ITGA4: variants seen among roughly 807,000 people sequenced by gnomAD.
ITGA4 encodes integrin subunit alpha 4.
A neutral mutation model predicts 133.6 loss-of-function variants in ITGA4; 63 were observed. The observed-to-expected ratio is 0.47, with a 90% CI of 0.38 to 0.58. The LOEUF is 0.58. Among genes scored for constraint, ITGA4 ranks in the 20% least tolerant of loss-of-function variants. The probability of loss-of-function intolerance (pLI) is 0.00; values close to 1 mark genes in which losing one functional copy is unlikely to be tolerated. For missense variants in ITGA4, 1,076 were observed against 1,252.7 expected, an observed-to-expected ratio of 0.86 and a Z score of 2.13; for synonymous variants, 483 against 438.0, an observed-to-expected ratio of 1.10 and a Z score of -1.28.
At chr2:181,464,967 A>G (rs1264495302) in intron 2 of ITGA4, among the ~76,000 whole-genome samples, 1 of 152,178 alleles carries the variant, frequency 6.6e-6, no homozygotes. Flanking sequence ...TTTTTTATAT[A>G]AACTATGTAA....
chr2:181,501,234 A>G (rs1324571650), intron 15 of ITGA4, among the ~76,000 whole-genome samples: 2 of 152,324 alleles, frequency 1.3e-5, no homozygotes, highest in East Asian at 1.9e-4. Context: ...CAGAGGACCC[A>G]TACTTTGAGA....
At position 181,534,832 on chromosome 2, in the gene ITGA4, T is replaced by G. The variant is rs202038203; in HGVS notation, c.2900T>G (p.Leu967Arg). 2.3e-5 allele frequency: 37 copies of G among 1,596,060 alleles called. No homozygotes were observed. Among genetic ancestry groups the G allele is most frequent in the Non-Finnish European group, 3.1e-5 (37 of 1,174,750 alleles). Reference protein sequence around the residue: ...ENVAHVLLEGLHHQRPKRYFT... With the variant: ...ENVAHVLLEGRHHQRPKRYFT... ...CTCACGTAGGTTCTACTGGAAGGAC[T>G]ACATCATCAAAGACCCAAACGTTAT... Residue 967 changes from leucine to arginine, a missense_variant, in exon 27 of 28, where the codon CTA (leucine) becomes CGA (arginine). Physicochemically the swap from Leu to Arg is moderately radical, Grantham distance 102. Around this residue, in one of 4 missense-constraint regions of ITGA4, gnomAD observed 193 missense variants for 172.3 expected, o/e 1.12. Transcript: ENST00000397033.
chr2:181,502,863 A>G (rs1686307093), intron 15 of ITGA4, among the ~76,000 whole-genome samples: 1 of 152,062 alleles, frequency 6.6e-6, no homozygotes, highest in African/African-American at 2.4e-5. Flanking sequence ...AAGAGTTACA[A>G]TTAACCAGGG....
intron 15 of ITGA4, 57 bp from the exon 16 acceptor site, chr2:181,509,599 ATT>A: frequency 7.3e-7 from 1 of 1,365,116 alleles, no homozygotes. Context: ...AAGGAGTTTT[ATT>A]TTTTTTTAAT....
At position 181,523,704 on chromosome 2, in the gene ITGA4, G is replaced by A. The variant is rs1250645537; in HGVS notation, c.2169+172G>A. 1.3e-5 allele frequency among the ~76,000 whole-genome samples: 2 copies of A among 152,032 alleles called. No individual in the cohort carries two copies. Among genetic ancestry groups the A allele is most frequent in the Non-Finnish European group, 2.9e-5 (2 of 68,012 alleles). ...CTTTGAGCTTTGTGTTTATATTCTT[G>A]GCAATGTTTGCTGTTTTAAAGGGGG... On this transcript the variant is annotated intron_variant, in intron 19 of 27. Coordinates refer to ENST00000397033, the MANE Select transcript of ITGA4 (RefSeq NM_000885.6). The surrounding 1 kb of genome is among the most constrained non-coding windows in gnomAD (Gnocchi z 4.2).
Position 181,457,607 on chromosome 2 carries a change from C to A in ITGA4, c.-48C>A, listed in dbSNP as rs201912625. 134 of 1,559,378 alleles carry A rather than the reference C, an allele frequency of 8.6e-5. 1 individual carries two copies. The African/African-American group carries it at 1.6e-3, about 19-fold the overall frequency. ...TGGCCAACCGTCGCATCCCGTGCAA[C>A]TTTGGGGTAGTGGCCGTTTAGTGTT... On this transcript the variant is annotated 5_prime_UTR_variant, in exon 1 of 28. Transcript: ENST00000397033.
rs539020697 is a variant in ITGA4, at chr2:181,485,210, A to G, written c.1042-671A>G. 6.6e-4 allele frequency among the ~76,000 whole-genome samples: 100 copies of G among 152,316 alleles called. 1 individual carries two copies. The highest frequency in any genetic ancestry group is 1.3e-3 in the Non-Finnish European group (91 of 68,012). On this transcript the variant is annotated intron_variant, in intron 9 of 27. Transcript: ENST00000397033. ...CTAAATTAAGAGTAAATTTTCCTCG[A>G]CAATCAAGACGCTACACTATAAGAC...
intron 8 of ITGA4, 24 bp from the exon 9 acceptor site, chr2:181,482,490 T>A (rs754981281): frequency 6.2e-7 from 1 of 1,613,508 alleles, no homozygotes; most frequent in Non-Finnish European, 8.5e-7. Flanking sequence ...TCTCAATGAG[T>A]GGATCTGGTT....
chr2:181,503,343 C>T (rs1284500949), intron 15 of ITGA4, among the ~76,000 whole-genome samples: 1 of 151,964 alleles, frequency 6.6e-6, no homozygotes, highest in Non-Finnish European at 1.5e-5. Flanking sequence ...TCTTCTTGGA[C>T]TAGAGGTGCA....
In ITGA4 at chr2:181,538,581, G is replaced by A. The variant is rs918208603; in HGVS notation, c.*3054G>A. Among the ~76,000 whole-genome samples the A allele has an allele frequency of 6.6e-6, 1 of 152,122 alleles. No individual in the cohort carries two copies. The highest frequency in any genetic ancestry group is 1.5e-5 in the Non-Finnish European group (1 of 68,016). On this transcript the variant is annotated 3_prime_UTR_variant, in exon 28 of 28. Transcript: ENST00000397033. ...CACAATGCCTACCAAGAATGCGTTTGCAGGTTCCTAAACCTGTTTATACCA... is the reference window on the plus strand; with the variant it reads ...CACAATGCCTACCAAGAATGCGTTTACAGGTTCCTAAACCTGTTTATACCA...
intron 15 of ITGA4, among the ~76,000 whole-genome samples, chr2:181,502,173 T>G (rs1219159331): frequency 2.0e-5 from 3 of 151,808 alleles, no homozygotes; most frequent in African/African-American, 7.3e-5. Context: ...AACTCAACAT[T>G]GGATTTATAA....
At chr2:181,493,931 GA>G (rs11363527) in intron 11 of ITGA4, among the ~76,000 whole-genome samples, 127,508 of 152,054 alleles carry the variant, frequency 0.84, 53,773 homozygotes, top group Middle Eastern at 0.95. Context: ...TCAGTGCCTA[GA>G]AAAAAAATGA....
intron 2 of ITGA4, among the ~76,000 whole-genome samples, chr2:181,459,867 C>A (rs1685224538): frequency 6.6e-6 from 1 of 152,156 alleles, no homozygotes; most frequent in African/African-American, 2.4e-5. Context: ...GTGCCTACTT[C>A]CTGTCTGGAT....
At position 181,530,551 on chromosome 2, in the gene ITGA4, A is replaced by C. The variant is rs1289556205; in HGVS notation, c.2566A>C (p.Asn856His). The C allele has an allele frequency of 6.2e-7, 1 of 1,613,014 alleles. No homozygotes were observed. Among genetic ancestry groups the C allele is most frequent in the Non-Finnish European group, 8.5e-7 (1 of 1,179,278 alleles). Residue 856 changes from asparagine to histidine, a missense_variant, in exon 24 of 28, where the codon AAT becomes CAT. Physicochemically the swap from Asn to His is moderately conservative, Grantham distance 68. Coordinates refer to ENST00000397033, the MANE Select transcript of ITGA4 (RefSeq NM_000885.6). ...QTTTGECHFENYQRVCALEQQ... is the reference protein window; with the variant it reads ...QTTTGECHFEHYQRVCALEQQ... ...TACTACTGGAGAATGCCACTTTGAA[A>C]ATTATCAAAGAGTGTGTGCATTAGA...
At chr2:181,517,534 G>T (rs1438921019) in intron 17 of ITGA4, among the ~76,000 whole-genome samples, 1 of 152,092 alleles carries the variant, frequency 6.6e-6, no homozygotes, top group Non-Finnish European at 1.5e-5. Flanking sequence ...CATTATGCAT[G>T]TTTTAATGAA....
At chr2:181,484,257 C>T (rs1216848971) in intron 9 of ITGA4, among the ~76,000 whole-genome samples, 1 of 152,140 alleles carries the variant, frequency 6.6e-6, no homozygotes, top group Non-Finnish European at 1.5e-5. Flanking sequence ...TTTGAATGAA[C>T]TCAAGAAAGA....
intron 2 of ITGA4, among the ~76,000 whole-genome samples, chr2:181,460,609 TCTG>T (rs1222028165): frequency 2.1e-4 from 24 of 116,060 alleles, no homozygotes; most frequent in Non-Finnish European, 3.9e-5. Context: ...GTGTGAATCT[TCTG>T]TATAAAATAG....
At chr2:181,457,944 C>A in intron 1 of ITGA4, 93 bp downstream of exon 1, 1 of 1,280,844 alleles carries the variant, frequency 7.8e-7, no homozygotes. Flanking sequence ...ACTTTCCTCC[C>A]TCCCAAGGAG....
At chr2:181,500,549 T>C (rs1445124229) in intron 15 of ITGA4, among the ~76,000 whole-genome samples, 1 of 152,092 alleles carries the variant, frequency 6.6e-6, no homozygotes, top group Non-Finnish European at 1.5e-5. Context: ...CTGTGTTCCA[T>C]AAAACGCATC....
Sources: allele counts gnomAD v4.1 joint callset (sites outside exome capture counted in the v4.1 genomes callset), GRCh38; gene constraint gnomAD v4.1.1; regional missense constraint gnomAD v4.1.1; non-coding constraint Gnocchi (gnomAD v3.1); transcripts MANE v1.5; gene names NCBI Gene and HGNC (gene_info 2026-07-23, HGNC 2026-07-21).